Variants in RGPD2 observed in about 807,000 individuals in gnomAD.
RGPD2 encodes the protein RANBP2 like and GRIP domain containing 2.
A neutral mutation model predicts 36.0 loss-of-function variants in RGPD2; 2 were observed. That is an observed-to-expected ratio of 0.06 (90% CI 0.02 to 0.17). The LOEUF is 0.17. Ranked by LOEUF, RGPD2 falls within the 10% of genes least tolerant of loss-of-function variation. RGPD2 has a pLI of 1.00. For missense variants in RGPD2, 40 were observed against 464.3 expected (o/e 0.09, Z 8.40); for synonymous variants, 19 against 163.8 (o/e 0.12, Z 6.75).
the RGPD2 span, among the ~76,000 whole-genome samples, chr2:87,935,670 A>T: frequency 5.3e-5 from 8 of 151,410 alleles, no homozygotes; most frequent in African/African-American, 1.7e-4. Context: ...GAGAGTGAAG[A>T]GTCTGTTGAA....
At chr2:87,866,828 A>T in the RGPD2 span, among the ~76,000 whole-genome samples, 1 of 152,122 alleles carries the variant, frequency 6.6e-6, no homozygotes, top group African/African-American at 2.4e-5. Context: ...GTTGGCCAGC[A>T]TGTCCCACCC....
At chr2:87,885,089 T>A in the RGPD2 span, among the ~76,000 whole-genome samples, 1 of 152,024 alleles carries the variant, frequency 6.6e-6, no homozygotes, top group Non-Finnish European at 1.5e-5. Context: ...TAAGATTTTT[T>A]AACTTTATCA....
chr2:87,989,457 A>T, the RGPD2 span, among the ~76,000 whole-genome samples: 33 of 152,228 alleles, frequency 2.2e-4, no homozygotes, highest in Non-Finnish European at 4.0e-4. Flanking sequence ...TCACATCAAT[A>T]TACAATTCAA....
At chr2:87,861,766 G>T in the RGPD2 span, among the ~76,000 whole-genome samples, 5 of 141,676 alleles carry the variant, frequency 3.5e-5, no homozygotes, top group Non-Finnish European at 7.7e-5. Context: ...CTAGCCTCTG[G>T]ATCTGATTGA....
the RGPD2 span, among the ~76,000 whole-genome samples, chr2:87,858,203 G>GCCA: frequency 3.3e-5 from 5 of 151,944 alleles, no homozygotes; most frequent in Admixed American, 3.3e-4. Flanking sequence ...GCTTGAACCT[G>GCCA]GGAGGCAGAG....
At chr2:87,951,993 A>G in the RGPD2 span, among the ~76,000 whole-genome samples, 1 of 152,024 alleles carries the variant, frequency 6.6e-6, no homozygotes, top group African/African-American at 2.4e-5. Context: ...CTAATTGCCT[A>G]CCCACTTGTA....
At chr2:87,824,210 C>T (rs558763473) in intron 1 of RGPD2, among the ~76,000 whole-genome samples, 31 of 150,796 alleles carry the variant, frequency 2.1e-4, no homozygotes, top group Non-Finnish European at 2.9e-4. Context: ...TTAATAGAGA[C>T]GGATTTTCAC....
the RGPD2 span, chr2:87,972,781 C>A: frequency 6.2e-7 from 1 of 1,611,710 alleles, no homozygotes; most frequent in Non-Finnish European, 8.5e-7. Flanking sequence ...AGAGTGGTCA[C>A]TGCTGCAGGG....
At chr2:87,832,214 T>A in the RGPD2 span, among the ~76,000 whole-genome samples, 1 of 149,764 alleles carries the variant, frequency 6.7e-6, no homozygotes, top group Non-Finnish European at 1.5e-5. Context: ...AGAATGATGA[T>A]TAATTGAAAA....
At chr2:87,847,241 C>T in the RGPD2 span, among the ~76,000 whole-genome samples, 50 of 152,154 alleles carry the variant, frequency 3.3e-4, no homozygotes, top group Non-Finnish European at 7.1e-4. Context: ...ATTTGGATGA[C>T]ATACCATTGT....
At chr2:87,846,478 T>C in the RGPD2 span, among the ~76,000 whole-genome samples, 18 of 152,098 alleles carry the variant, frequency 1.2e-4, no homozygotes, top group African/African-American at 1.7e-4. Flanking sequence ...CCAAATACAT[T>C]GACTTGATCA....
chr2:87,976,676 G>T, the RGPD2 span, among the ~76,000 whole-genome samples: 2 of 151,850 alleles, frequency 1.3e-5, no homozygotes, highest in South Asian at 4.2e-4. Context: ...TGGGATTAAT[G>T]TGAGAATCAA....
the RGPD2 span, among the ~76,000 whole-genome samples, chr2:87,917,285 A>G: frequency 7.7e-6 from 1 of 130,312 alleles, no homozygotes; most frequent in Non-Finnish European, 1.6e-5. Context: ...GAAGCCATTG[A>G]AGGGTTTGGA....
chr2:87,763,393 G>A (rs1423636031), intron 22 of RGPD2, among the ~76,000 whole-genome samples: 7 of 145,488 alleles, frequency 4.8e-5, no homozygotes, highest in African/African-American at 1.6e-4. Context: ...TCCTGACCTC[G>A]TGATCCTCCC....
At chr2:87,876,123 C>A in the RGPD2 span, among the ~76,000 whole-genome samples, 47 of 151,044 alleles carry the variant, frequency 3.1e-4, no homozygotes, top group African/African-American at 9.2e-4. Context: ...ATCTAGCTAG[C>A]AGTCTATTTT....
the RGPD2 span, among the ~76,000 whole-genome samples, chr2:87,921,663 CACATAATGT>C: frequency 7.2e-5 from 11 of 152,116 alleles, no homozygotes; most frequent in African/African-American, 2.7e-4. Context: ...TGTTCTCATG[CACATAATGT>C]GAGCCATGGA....
chr2:87,923,312 C>T, the RGPD2 span, among the ~76,000 whole-genome samples: 5 of 152,090 alleles, frequency 3.3e-5, no homozygotes, highest in African/African-American at 1.2e-4. Context: ...CATTGTGAAT[C>T]TTCACCCATA....
At chr2:87,962,157 T>G in the RGPD2 span, among the ~76,000 whole-genome samples, 314 of 148,442 alleles carry the variant, frequency 2.1e-3, 1 homozygote, top group African/African-American at 7.5e-3. Context: ...ATTTTCCAAA[T>G]CTTCAAAAAT....
the RGPD2 span, among the ~76,000 whole-genome samples, chr2:87,973,708 A>G: frequency 6.8e-6 from 1 of 147,430 alleles, no homozygotes; most frequent in Non-Finnish European, 1.5e-5. Context: ...AAAAAAAAAA[A>G]AAAGAGTGTG....
Sources: gnomAD v4.1 joint callset for allele counts (sites outside exome capture counted in the v4.1 genomes callset) on GRCh38, gnomAD v4.1.1 for gene constraint, MANE v1.5 for transcripts, NCBI Gene and HGNC (gene_info 2026-07-23, HGNC 2026-07-21) for gene names.